The following KRAS variants were observed in gnomAD, a reference collection of about 807,000 sequenced individuals.
KRAS encodes the protein KRas proto-oncogene, GTPase, also known as GTPase KRas.
A neutral mutation model predicts 21.0 loss-of-function variants in KRAS; 1 was observed. The ratio of observed to expected loss-of-function variants is 0.05; its 90% CI spans 0.02 to 0.23. KRAS has a LOEUF of 0.23. KRAS is among the 10% of genes least tolerant of loss of function. The pLI is 1.00. For synonymous variants in KRAS, 67 were observed against 72.5 expected (o/e 0.92, Z 0.39); for missense variants, 107 against 221.8 (o/e 0.48, Z 3.29).
intron 4 of KRAS, among the ~76,000 whole-genome samples, chr12:25,218,890 C>T (rs1231046709): frequency 6.6e-6 from 1 of 151,754 alleles, no homozygotes; most frequent in Non-Finnish European, 1.5e-5. Context: ...GACTTGTTGC[C>T]ACATATACTC....
chr12:25,248,152 T>A (rs1006939251), intron 1 of KRAS, among the ~76,000 whole-genome samples: 1 of 151,980 alleles, frequency 6.6e-6, no homozygotes, highest in Non-Finnish European at 1.5e-5. Flanking sequence ...AGAGCCAATG[T>A]GCCCGGCCCC....
intron 2 of KRAS, among the ~76,000 whole-genome samples, chr12:25,230,758 T>C (rs1023901164): frequency 6.6e-6 from 1 of 152,096 alleles, no homozygotes; most frequent in African/African-American, 2.4e-5. Flanking sequence ...TGCTTATCTT[T>C]TAAAGCATAT....
intron 2 of KRAS, among the ~76,000 whole-genome samples, chr12:25,241,687 G>A (rs911102373): frequency 6.6e-6 from 1 of 152,160 alleles, no homozygotes; most frequent in African/African-American, 2.4e-5. Flanking sequence ...CCCGTGCACT[G>A]CAGGAAGTTT....
At chr12:25,236,552 C>T (rs1479915839) in intron 2 of KRAS, among the ~76,000 whole-genome samples, 1 of 151,744 alleles carries the variant, frequency 6.6e-6, no homozygotes, top group Non-Finnish European at 1.5e-5. Flanking sequence ...CTAATTAGTT[C>T]TCTGTGCTGA....
intron 1 of KRAS, among the ~76,000 whole-genome samples, chr12:25,249,779 G>A (rs1356941768): frequency 6.6e-6 from 1 of 151,948 alleles, no homozygotes; most frequent in Non-Finnish European, 1.5e-5. Flanking sequence ...GGGGATGAGG[G>A]TAATACATAA....
chr12:25,205,570 CTAG>C lies in KRAS; in HGVS notation c.*4222_*4224del. The C allele has an allele frequency of 4.6e-6, 1 of 216,906 alleles. No individual in the cohort carries two copies. Among genetic ancestry groups the C allele is most frequent in the Non-Finnish European group, 9.3e-6 (1 of 107,516 alleles). The allele number at this position is 216,906 out of a possible 1,614,324, so 13.4% of individuals were successfully genotyped here. On this transcript the variant is annotated 3_prime_UTR_variant, in exon 5 of 5. Coordinates refer to ENST00000311936, the MANE Select transcript of KRAS (RefSeq NM_004985.5). ...AAACATGTTACATTAAGAAATAGTA[CTAG>C]TAAGAAATTGGCACTCAAAGGAAAA...
chr12:25,227,662 T>C (rs1034636903), intron 2 of KRAS, among the ~76,000 whole-genome samples: 3 of 152,064 alleles, frequency 2.0e-5, no homozygotes, highest in African/African-American at 7.2e-5. Flanking sequence ...GGATTGGCTA[T>C]TATTAAAAAA....
intron 1 of KRAS, among the ~76,000 whole-genome samples, chr12:25,246,025 G>C (rs146291262): frequency 8.9e-4 from 135 of 151,608 alleles, no homozygotes; most frequent in African/African-American, 3.1e-3. Flanking sequence ...AGGCAAAGAA[G>C]AACAATATTT....
chr12:25,209,548 T>C lies in KRAS; in HGVS notation c.*247A>G. The C allele has an allele frequency of 7.5e-7, 1 of 1,329,400 alleles. No homozygotes were observed. 82.4% of individuals were successfully genotyped at this position (1,329,400 alleles called of 1,614,324 possible). A position where few individuals can be genotyped will look rare whatever the true frequency, so the allele number is the denominator to read the frequency against. ...CACCAAAAGCCCCAAGACAGAAATC[T>C]TAGGTATTCAGTTTCTTTTTCACAG... is the stretch of plus-strand genomic sequence containing the variant. On this transcript the variant is annotated 3_prime_UTR_variant, in exon 5 of 5. Transcript: ENST00000311936.
chr12:25,213,296 T>C (rs2141485617), intron 4 of KRAS, among the ~76,000 whole-genome samples: 1 of 152,284 alleles, frequency 6.6e-6, no homozygotes, highest in African/African-American at 2.4e-5. Context: ...GCATAACACT[T>C]ATTTTACTCT....
chr12:25,205,616 A>G lies in KRAS; in HGVS notation c.*4179T>C. The stretch of plus-strand genomic sequence containing the variant: ...AAGGAAAAATGCAAAAGTATTTTCA[A>G]CATGAAAACACAAGACAGTGGAATT... On this transcript the variant is annotated 3_prime_UTR_variant, in exon 5 of 5. Transcript: ENST00000311936. 1 of 223,116 alleles carries G rather than the reference A, an allele frequency of 4.5e-6. No homozygotes were observed. Among genetic ancestry groups the G allele is most frequent in the Non-Finnish European group, 9.0e-6 (1 of 111,334 alleles). The allele number at this position is 223,116 out of a possible 1,614,324, so 13.8% of individuals were successfully genotyped here. A position where few individuals can be genotyped will look rare whatever the true frequency, so the allele number is the denominator to read the frequency against.
chr12:25,212,627 TAC>T (rs1274207786), intron 4 of KRAS, among the ~76,000 whole-genome samples: 1 of 152,176 alleles, frequency 6.6e-6, no homozygotes, highest in Non-Finnish European at 1.5e-5. Flanking sequence ...TGTCACAACC[TAC>T]ACAGAGCAAT....
At chr12:25,223,400 C>T (rs1245627248) in intron 4 of KRAS, among the ~76,000 whole-genome samples, 1 of 152,042 alleles carries the variant, frequency 6.6e-6, no homozygotes, top group Non-Finnish European at 1.5e-5. Context: ...ACTGTAAAGA[C>T]AGTAAAAAGA....
intron 2 of KRAS, among the ~76,000 whole-genome samples, 176 bp from the exon 3 acceptor site, chr12:25,227,588 C>T (rs1040146319): frequency 3.9e-5 from 6 of 152,058 alleles, no homozygotes; most frequent in Admixed American, 6.6e-5. Context: ...TGAAAAGATG[C>T]TCAACATCAT....
At chr12:25,235,220 A>G (rs956294590) in intron 2 of KRAS, 2 of 567,826 alleles carry the variant, frequency 3.5e-6, no homozygotes, top group Admixed American at 4.6e-5. Context: ...ATACTGCTTA[A>G]TAACACCTGT....
Position 25,209,842 on chromosome 12 carries a change from C to G in KRAS, c.520G>C (p.Gly174Arg). 1 of 1,609,564 alleles carries G rather than the reference C, an allele frequency of 6.2e-7. No homozygotes were observed. The highest frequency in any genetic ancestry group is 8.5e-7 in the Non-Finnish European group (1 of 1,176,824). Residue 174 changes from glycine to arginine, a missense_variant, in exon 5 of 5, where the codon GGT becomes CGT. Transcript: ENST00000311936. ...TTTGACTTCTTTTTCTTCTTTTTAC[C>G]ATCTTTGCTCATCTTTTCTTTATGT... ...RKHKEKMSKD[G>R]KKKKKKSKTK... is the part of the protein sequence containing the mutation.
intron 2 of KRAS, among the ~76,000 whole-genome samples, chr12:25,229,919 C>A (rs61762362): frequency 0.034 from 5,146 of 152,098 alleles, 164 homozygotes; most frequent in Non-Finnish European, 0.046. Context: ...TAGGTGCACG[C>A]CACCACGCCC....
chr12:25,215,435 A>C, intron 4 of KRAS: 2 of 1,613,388 alleles, frequency 1.2e-6, no homozygotes, highest in Non-Finnish European at 1.7e-6. Context: ...ACTTAAACTT[A>C]CCAGATTACA....
chr12:25,209,145 T>A lies in KRAS; in HGVS notation c.*650A>T. 1 of 638,246 alleles carries A rather than the reference T, an allele frequency of 1.6e-6. No homozygotes were observed. Among genetic ancestry groups the A allele is most frequent in the Non-Finnish European group, 2.8e-6 (1 of 357,550 alleles). 39.5% of individuals were successfully genotyped at this position (638,246 alleles called of 1,614,324 possible). ...CTAATGTGAAAAGGAAATGGCCTTA[T>A]AATAGTTTCCATTGCCTTGTAATTT... On this transcript the variant is annotated 3_prime_UTR_variant, in exon 5 of 5. Coordinates refer to ENST00000311936, the MANE Select transcript of KRAS (RefSeq NM_004985.5).
Sources: gnomAD v4.1 joint callset for allele counts (sites outside exome capture counted in the v4.1 genomes callset) on GRCh38, gnomAD v4.1.1 for gene constraint, MANE v1.5 for transcripts, NCBI Gene and HGNC (gene_info 2026-07-23, HGNC 2026-07-21) for gene names.